The following CAMK4 variants were observed in gnomAD, a reference collection of about 807,000 sequenced individuals.
CAMK4 encodes calcium/calmodulin-dependent protein kinase type IV.
Under a neutral mutation model 44.9 loss-of-function variants are expected in CAMK4, and 22 were observed. That is an observed-to-expected ratio of 0.49 (90% CI 0.35 to 0.70). The LOEUF (loss-of-function observed/expected upper bound fraction) is 0.70. CAMK4 is among the 30% of genes least tolerant of loss of function. CAMK4 has a pLI of 0.01. For synonymous variants in CAMK4, 218 were observed against 215.4 expected, an observed-to-expected ratio of 1.01 and a Z score of -0.11; for missense variants, 498 against 586.8, an observed-to-expected ratio of 0.85 and a Z score of 1.56.
chr5:111,224,667 G>T lies in CAMK4; in HGVS notation c.161+23G>T, dbSNP rs1479235784. On this transcript the variant is annotated intron_variant, in intron 1 of 10. Coordinates refer to ENST00000282356, the MANE Select transcript of CAMK4 (RefSeq NM_001744.6). The surrounding 1 kb of genome is among the most constrained non-coding windows in gnomAD (Gnocchi z 5.7). ...ACGGTAAGGCGCGGGCTCCGGCTGG[G>T]GAAGCCCGCGGCGTGCACTGGGGGT... The T allele has an allele frequency of 6.3e-7, 1 of 1,591,542 alleles. No individual in the cohort carries two copies. The highest frequency in any genetic ancestry group is 8.5e-7 in the Non-Finnish European group (1 of 1,169,680).
At chr5:111,311,304 C>G (rs1748192760) in intron 1 of CAMK4, among the ~76,000 whole-genome samples, 3 of 152,232 alleles carry the variant, frequency 2.0e-5, no homozygotes, top group Non-Finnish European at 4.4e-5. Context: ...GTGGCAGTCA[C>G]CACCTGCACA....
intron 1 of CAMK4, among the ~76,000 whole-genome samples, chr5:111,291,670 C>A (rs1580538634): frequency 2.0e-5 from 3 of 152,096 alleles, no homozygotes; most frequent in Admixed American, 2.0e-4. Context: ...ACCACCATAC[C>A]CAGCTAATTT....
At chr5:111,228,689 A>AT (rs1748320659) in intron 1 of CAMK4, among the ~76,000 whole-genome samples, 1 of 152,162 alleles carries the variant, frequency 6.6e-6, no homozygotes, top group African/African-American at 2.4e-5. Flanking sequence ...CATCCCACTA[A>AT]TGTGTTGTGA....
chr5:111,372,982 C>G (rs1751069230), intron 2 of CAMK4, among the ~76,000 whole-genome samples: 1 of 152,146 alleles, frequency 6.6e-6, no homozygotes, highest in Non-Finnish European at 1.5e-5. Flanking sequence ...ATCCTCTCCT[C>G]TAAGAATTTA....
intron 5 of CAMK4, among the ~76,000 whole-genome samples, chr5:111,409,989 C>G (rs2112892815): frequency 1.3e-5 from 2 of 152,238 alleles, no homozygotes; most frequent in South Asian, 4.1e-4. Context: ...CTCCAAGTCC[C>G]TAGGAAGTTC....
Position 111,254,413 on chromosome 5 carries a change from C to T in CAMK4, c.161+29769C>T, listed in dbSNP as rs76852802. 3.4e-3 allele frequency among the ~76,000 whole-genome samples: 518 copies of T among 152,298 alleles called. 4 individuals are homozygous for T. The highest frequency in any genetic ancestry group is 0.012 in the African/African-American group (492 of 41,556). On this transcript the variant is annotated intron_variant, in intron 1 of 10. Coordinates refer to ENST00000282356, the MANE Select transcript of CAMK4 (RefSeq NM_001744.6). ...CCCAGATGTCTGCACAGAATCCCTT[C>T]CTGGAGGTGGAGAGGGTTGACACCC... is the stretch of plus-strand genomic sequence containing the variant.
rs73214483 is a variant in CAMK4, at chr5:111,361,457, A to G, written c.241-13393A>G. 3.6e-3 allele frequency among the ~76,000 whole-genome samples: 540 copies of G among 151,652 alleles called. 4 individuals are homozygous for G. Among genetic ancestry groups the G allele is most frequent in the African/African-American group, 0.012 (506 of 41,082 alleles). ...TGAAAACCTATATTTCATTATTTTC[A>G]TGGCTTCTTGATAATTTAAAAATCT... On this transcript the variant is annotated intron_variant, in intron 2 of 10. Coordinates refer to ENST00000282356, the MANE Select transcript of CAMK4 (RefSeq NM_001744.6).
intron 1 of CAMK4, among the ~76,000 whole-genome samples, chr5:111,267,866 C>T (rs932822153): frequency 6.6e-5 from 10 of 152,120 alleles, no homozygotes; most frequent in African/African-American, 2.2e-4. Context: ...TGCTGATGAA[C>T]ATATAGTGTG....
rs1239661023 is a variant in CAMK4 at position 111,397,675 on chromosome 5, GTGTGTGTGTGTGTGTGTT to G, written c.459+2896_459+2913del. 4.2e-3 allele frequency among the ~76,000 whole-genome samples: 565 copies of G among 133,614 alleles called. 4 individuals are homozygous for G. Among genetic ancestry groups the G allele is most frequent in the African/African-American group, 0.015 (503 of 33,956 alleles). The allele number at this position is 133,614 out of a possible 152,430, so 87.7% of individuals were successfully genotyped here. A position where few individuals can be genotyped will look rare whatever the true frequency, so the allele number is the denominator to read the frequency against. On this transcript the variant is annotated intron_variant, in intron 5 of 10. Coordinates refer to ENST00000282356, the MANE Select transcript of CAMK4 (RefSeq NM_001744.6). ...TGTGTGTGTGTGTGTGTGTGTGTGT[GTGTGTGTGTGTGTGTGTT>G]TGCAGTTTACCCACCTGGATTCATG...
intron 7 of CAMK4, chr5:111,450,008 T>A (rs1754170104): frequency 6.6e-6 from 1 of 152,198 alleles, no homozygotes; most frequent in African/African-American, 2.4e-5. Flanking sequence ...TAGTGATCCT[T>A]TTCTCTTAGA....
chr5:111,317,344 A>C (rs1748468277), intron 1 of CAMK4, among the ~76,000 whole-genome samples: 1 of 152,126 alleles, frequency 6.6e-6, no homozygotes, highest in Non-Finnish European at 1.5e-5. Context: ...CTCTTATTTC[A>C]AGGAGTATAT....
chr5:111,468,650 G>A (rs1443208868), intron 7 of CAMK4, among the ~76,000 whole-genome samples: 1 of 152,114 alleles, frequency 6.6e-6, no homozygotes, highest in Non-Finnish European at 1.5e-5. Flanking sequence ...GTGTTCTACT[G>A]GTTCTGAACA....
intron 1 of CAMK4, among the ~76,000 whole-genome samples, chr5:111,325,784 T>C (rs1342581869): frequency 6.6e-6 from 1 of 152,096 alleles, no homozygotes; most frequent in Non-Finnish European, 1.5e-5. Context: ...TAGACCTTTG[T>C]CAGATGGACA....
intron 5 of CAMK4, among the ~76,000 whole-genome samples, chr5:111,404,151 A>G (rs1752332954): frequency 6.6e-6 from 1 of 152,212 alleles, no homozygotes; most frequent in Non-Finnish European, 1.5e-5. Context: ...ATGGTACAGT[A>G]GGAGTTATGA....
chr5:111,462,011 A>C (rs1384661743), intron 7 of CAMK4, among the ~76,000 whole-genome samples: 1 of 152,040 alleles, frequency 6.6e-6, no homozygotes, highest in Non-Finnish European at 1.5e-5. Flanking sequence ...TCTGGCCTCT[A>C]CCTGCCTCAC....
At chr5:111,230,028 G>A (rs1318008172) in intron 1 of CAMK4, among the ~76,000 whole-genome samples, 2 of 152,126 alleles carry the variant, frequency 1.3e-5, no homozygotes, top group African/African-American at 4.8e-5. Flanking sequence ...AATGAAATGG[G>A]CCGGGTGCAG....
chr5:111,302,399 G>A (rs539012616), intron 1 of CAMK4: 2 of 148,128 alleles, frequency 1.4e-5, no homozygotes, highest in South Asian at 2.1e-4. Context: ...CACCGTGCGG[G>A]AGCCGAAGCA....
chr5:111,380,801 A>C (rs1390951769), intron 4 of CAMK4, among the ~76,000 whole-genome samples: 4 of 152,188 alleles, frequency 2.6e-5, no homozygotes, highest in African/African-American at 7.2e-5. Context: ...CCTTCCAAAA[A>C]AGGAGATTTT....
intron 2 of CAMK4, among the ~76,000 whole-genome samples, chr5:111,363,157 A>G (rs1211906451): frequency 6.6e-6 from 1 of 152,032 alleles, no homozygotes; most frequent in African/African-American, 2.4e-5. Context: ...TTAATAATTT[A>G]TATTTTTCCA....
Sources: gnomAD v4.1 joint callset for allele counts (sites outside exome capture counted in the v4.1 genomes callset) on GRCh38, gnomAD v4.1.1 for gene constraint, Gnocchi (gnomAD v3.1) non-coding constraint, MANE v1.5 for transcripts, NCBI Gene and HGNC (gene_info 2026-07-23, HGNC 2026-07-21) for gene names.